RPS6KC1: variants seen among roughly 807,000 people sequenced by gnomAD.
The protein encoded by RPS6KC1 is ribosomal protein S6 kinase C1.
A neutral mutation model predicts 103.8 loss-of-function variants in RPS6KC1; 54 were observed. The ratio of observed to expected loss-of-function variants is 0.52; its 90% CI spans 0.42 to 0.65. The LOEUF is 0.65. Ranked by LOEUF, RPS6KC1 falls within the 30% of genes least tolerant of loss-of-function variation. The pLI is 0.00. For missense variants in RPS6KC1, 1,151 were observed against 1,253.8 expected, an observed-to-expected ratio of 0.92 and a Z score of 1.24; for synonymous variants, 439 against 438.7, an observed-to-expected ratio of 1.00 and a Z score of -0.01.
the RPS6KC1 span, among the ~76,000 whole-genome samples, chr1:213,291,153 C>T: frequency 3.3e-5 from 5 of 152,168 alleles, no homozygotes; most frequent in South Asian, 2.1e-4. Context: ...AAAGGTACTC[C>T]GGCAACTAAA....
At chr1:213,555,467 G>A in the RPS6KC1 span, among the ~76,000 whole-genome samples, 6 of 152,182 alleles carry the variant, frequency 3.9e-5, no homozygotes, top group East Asian at 1.9e-4. Context: ...TTTTGTTTTC[G>A]CTTTTGTTTT....
chr1:213,521,886 G>T, the RPS6KC1 span, among the ~76,000 whole-genome samples: 2 of 152,088 alleles, frequency 1.3e-5, no homozygotes, highest in Admixed American at 1.3e-4. Flanking sequence ...CTGACGTTGC[G>T]AGTCCCTTAA....
At chr1:213,124,463 ACTTT>A (rs2084748447) in intron 5 of RPS6KC1, among the ~76,000 whole-genome samples, 1 of 151,976 alleles carries the variant, frequency 6.6e-6, no homozygotes, top group African/African-American at 2.4e-5. Flanking sequence ...TTTCTTGTTA[ACTTT>A]CTTTCTGGGC....
chr1:213,076,667 A>T (rs994280896), intron 2 of RPS6KC1, among the ~76,000 whole-genome samples: 2 of 151,980 alleles, frequency 1.3e-5, no homozygotes, highest in African/African-American at 4.8e-5. Flanking sequence ...AATTCAGACT[A>T]ATGAAGGAAA....
At chr1:213,145,967 G>GGTTTT (rs2087725341) in intron 6 of RPS6KC1, among the ~76,000 whole-genome samples, 1 of 47,804 alleles carries the variant, frequency 2.1e-5, no homozygotes, top group African/African-American at 9.8e-5. Context: ...CATTCATTCT[G>GGTTTT]TTTTTTTTTT....
the RPS6KC1 span, among the ~76,000 whole-genome samples, chr1:213,288,789 C>T: frequency 2.0e-5 from 3 of 152,274 alleles, no homozygotes; most frequent in Admixed American, 2.0e-4. Flanking sequence ...CTGGATGTAG[C>T]CTTATCAGGT....
the RPS6KC1 span, among the ~76,000 whole-genome samples, chr1:213,447,985 C>T: frequency 1.3e-5 from 2 of 151,880 alleles, no homozygotes; most frequent in Non-Finnish European, 2.9e-5. Context: ...AATCCCAACA[C>T]TTTGGGAAGC....
chr1:213,794,468 C>A, the RPS6KC1 span: 10 of 152,044 alleles, frequency 6.6e-5, no homozygotes, highest in Non-Finnish European at 1.3e-4. Flanking sequence ...GGGCAAGTGG[C>A]TTAAGGTGAG....
At chr1:213,255,328 A>C (rs1466929909) in intron 12 of RPS6KC1, among the ~76,000 whole-genome samples, 1 of 151,962 alleles carries the variant, frequency 6.6e-6, no homozygotes, top group East Asian at 1.9e-4. Flanking sequence ...CCTTAAAAAA[A>C]AAAAAAAGGA....
the RPS6KC1 span, among the ~76,000 whole-genome samples, chr1:213,412,197 G>A: frequency 1.5e-4 from 23 of 152,180 alleles, no homozygotes; most frequent in Non-Finnish European, 2.8e-4. Context: ...CCATGGTGTG[G>A]CATTCCTATC....
the RPS6KC1 span, among the ~76,000 whole-genome samples, chr1:213,295,467 C>T: frequency 7.2e-5 from 11 of 152,228 alleles, no homozygotes; most frequent in African/African-American, 2.6e-4. Context: ...GATATCTTGT[C>T]ATATGTTTAT....
At chr1:213,059,145 T>G (rs1373861391) in intron 1 of RPS6KC1, among the ~76,000 whole-genome samples, 1 of 152,268 alleles carries the variant, frequency 6.6e-6, no homozygotes, top group African/African-American at 2.4e-5. Flanking sequence ...TTAGGGTACA[T>G]GTGCACAACG....
chr1:213,176,068 A>G (rs17020231), intron 7 of RPS6KC1, among the ~76,000 whole-genome samples: 2,224 of 152,232 alleles, frequency 0.015, 49 homozygotes, highest in African/African-American at 0.05. Context: ...TGGCCCAGTT[A>G]TCCATTTGTT....
At chr1:213,226,984 T>G (rs2093978989) in intron 8 of RPS6KC1, among the ~76,000 whole-genome samples, 1 of 152,212 alleles carries the variant, frequency 6.6e-6, no homozygotes. Context: ...TTATTATCTT[T>G]GTGAGTATGG....
At chr1:213,715,955 G>T in the RPS6KC1 span, among the ~76,000 whole-genome samples, 8 of 146,352 alleles carry the variant, frequency 5.5e-5, no homozygotes, top group African/African-American at 2.0e-4. Context: ...GATTTAACTG[G>T]TAAGTTTTAA....
chr1:213,257,786 CTTTTTTTTTTTTTTTTTTTTT>C (rs71147062), intron 12 of RPS6KC1, among the ~76,000 whole-genome samples: 6 of 49,406 alleles, frequency 1.2e-4, no homozygotes, highest in Non-Finnish European at 1.8e-4. Context: ...ACAGGTAAAA[CTTTTTTTTTTTTTTTTTTTTT>C]TTTTTTTTTT....
the RPS6KC1 span, among the ~76,000 whole-genome samples, chr1:213,462,382 G>A: frequency 7.2e-5 from 11 of 152,184 alleles, no homozygotes; most frequent in South Asian, 6.2e-4. Flanking sequence ...CAGAAATACC[G>A]TTTGACCCAG....
chr1:213,087,177 T>A (rs2080474360), intron 3 of RPS6KC1, among the ~76,000 whole-genome samples: 1 of 152,194 alleles, frequency 6.6e-6, no homozygotes, highest in Admixed American at 6.5e-5. Context: ...CTCAATGAAG[T>A]TGAATTATTA....
At chr1:213,682,036 A>G in the RPS6KC1 span, among the ~76,000 whole-genome samples, 2 of 152,126 alleles carry the variant, frequency 1.3e-5, no homozygotes, top group Non-Finnish European at 2.9e-5. Flanking sequence ...TTGCTTTTCT[A>G]TTCCTGCCTT....
Sources: gnomAD v4.1 joint callset for allele counts (sites outside exome capture counted in the v4.1 genomes callset) on GRCh38, gnomAD v4.1.1 for gene constraint, MANE v1.5 for transcripts, NCBI Gene and HGNC (gene_info 2026-07-23, HGNC 2026-07-21) for gene names.